The following FAT4 variants were observed in gnomAD, a reference collection of about 807,000 sequenced individuals.
FAT4 encodes protocadherin Fat 4.
In FAT4, 84 loss-of-function variants were observed where a neutral mutation model predicts 303.9. The ratio of observed to expected loss-of-function variants is 0.28; its 90% CI spans 0.23 to 0.33. The LOEUF is 0.33. Ranked by LOEUF, FAT4 falls within the 10% of genes least tolerant of loss-of-function variation. The pLI, the probability that FAT4 is intolerant of heterozygous loss-of-function variation, is 1.00. For missense variants in FAT4, 6,005 were observed against 6,146.8 expected (o/e 0.98, Z 0.77); for synonymous variants, 2,307 against 2,298.8 (o/e 1.00, Z -0.10).
chr4:125,449,089 G>A lies in FAT4; in HGVS notation c.8079G>A (p.Ser2693=), dbSNP rs772467941. 2.5e-6 allele frequency: 4 copies of A among 1,613,636 alleles called. No homozygotes were observed. The highest frequency in any genetic ancestry group is 1.1e-5 in the South Asian group (1 of 91,066). ...CCCCTCGAAAAATACTTACTGTTTCGGCAATGGACAAGGACAGTGGACCCA... is the reference window on the plus strand; with the variant it reads ...CCCCTCGAAAAATACTTACTGTTTCAGCAATGGACAAGGACAGTGGACCCA... ...NLSPRKILTV[S]AMDKDSGPNG... Residue 2693 remains serine (S), a synonymous_variant, in exon 10 of 18, where the codon TCG becomes TCA. Transcript: ENST00000394329.
Position 125,481,591 on chromosome 4 carries a change from G to A in FAT4, c.12675G>A (p.Glu4225=). Residue 4225 remains glutamate, a synonymous_variant, in exon 16 of 18, where the codon GAG becomes GAA. Coordinates refer to ENST00000394329, the MANE Select transcript of FAT4 (RefSeq NM_001291303.3). ...TGGACTACCACATGAGTCAGAATGA[G>A]AAGCGGGAATATTTGTTAAGGCAAA... ...GRLDYHMSQN[E]KREYLLRQSL... 1 of 1,614,042 alleles carries A rather than the reference G, an allele frequency of 6.2e-7. No homozygotes were observed. The highest frequency in any genetic ancestry group is 8.5e-7 in the Non-Finnish European group (1 of 1,179,946).
intron 7 of FAT4, among the ~76,000 whole-genome samples, chr4:125,431,569 A>T (rs571121101): frequency 6.6e-6 from 1 of 152,226 alleles, no homozygotes; most frequent in Non-Finnish European, 1.5e-5. Context: ...AAGAAGAACA[A>T]TGGGTAACAT....
chr4:125,452,826 T>A lies in FAT4; in HGVS notation c.11800+16T>A, dbSNP rs1301881204. Reference sequence around the variant, plus strand: ...GGATACACAGGTATGACAACGTTTGTACTTTTCTCACTAAGACTTTAGCCA... The same window carrying A: ...GGATACACAGGTATGACAACGTTTGAACTTTTCTCACTAAGACTTTAGCCA... On this transcript the variant is annotated intron_variant, in intron 10 of 17. Transcript: ENST00000394329. The A allele has an allele frequency of 6.3e-7, 1 of 1,580,494 alleles. No homozygotes were observed. The highest frequency in any genetic ancestry group is 8.6e-7 in the Non-Finnish European group (1 of 1,163,588).
intron 8 of FAT4, among the ~76,000 whole-genome samples, chr4:125,436,052 A>AG (rs532056309): frequency 5.5e-5 from 3 of 54,312 alleles, no homozygotes; most frequent in East Asian, 1.2e-3. Flanking sequence ...GGGTCGGGGG[A>AG]GGGGGGGAGG....
chr4:125,342,857 T>G (rs1731851038), intron 2 of FAT4, among the ~76,000 whole-genome samples: 1 of 152,174 alleles, frequency 6.6e-6, no homozygotes, highest in East Asian at 1.9e-4. Context: ...TTCTTAGTTA[T>G]TGCATTAAAT....
chr4:125,320,325 T>C lies in FAT4; in HGVS notation c.3914T>C (p.Ile1305Thr). The C allele has an allele frequency of 6.2e-7, 1 of 1,613,426 alleles. No individual in the cohort carries two copies. The highest frequency in any genetic ancestry group is 8.5e-7 in the Non-Finnish European group (1 of 1,179,406). Residue 1305 changes from isoleucine (I) to threonine (T), a missense_variant, in exon 2 of 18, where the codon ATT becomes ACT. By Grantham distance (89) the Ile-to-Thr change is moderately conservative. Transcript: ENST00000394329. The part of the protein sequence containing the change: ...LNSTCTLNID[I>T]LDENDNTPSF... ...TCAACGTGTACTTTAAATATTGATA[T>C]TTTAGATGAAAATGACAATACCCCT... is the stretch of plus-strand genomic sequence containing the variant.
chr4:125,406,007 G>C (rs574528903), intron 3 of FAT4, among the ~76,000 whole-genome samples: 1 of 152,100 alleles, frequency 6.6e-6, no homozygotes, highest in African/African-American at 2.4e-5. Context: ...ACTGTTTACT[G>C]TAGAGAAACT....
intron 7 of FAT4, among the ~76,000 whole-genome samples, chr4:125,433,430 AAC>A (rs1725345316): frequency 6.6e-6 from 1 of 152,182 alleles, no homozygotes; most frequent in Non-Finnish European, 1.5e-5. Context: ...CGGTTTTGAA[AAC>A]ACAACCAACA....
intron 5 of FAT4, among the ~76,000 whole-genome samples, chr4:125,412,265 GAA>G (rs2126024451): frequency 6.6e-6 from 1 of 151,868 alleles, no homozygotes; most frequent in South Asian, 2.1e-4. Flanking sequence ...TGTCAGAAAT[GAA>G]AAGTTATTTT....
Position 125,450,145 on chromosome 4 carries a change from A to G in FAT4, c.9135A>G (p.Val3045=). The G allele has an allele frequency of 6.2e-7, 1 of 1,613,786 alleles. No individual in the cohort carries two copies. The highest frequency in any genetic ancestry group is 1.3e-5 in the African/African-American group (1 of 75,066). The change falls in exon 10 of 18, where the codon GTA becomes GTG. Residue 3045 remains valine, a synonymous_variant. Coordinates refer to ENST00000394329, the MANE Select transcript of FAT4 (RefSeq NM_001291303.3). ...ACAATGATACGGGGTGGATTTCAGT[A>G]GCATCCTCCCTGATTTCTGACTTGA... ...KLDNDTGWIS[V]ASSLISDLNQ...
chr4:125,489,350 G>C (rs1009529570), intron 17 of FAT4, among the ~76,000 whole-genome samples: 1 of 152,056 alleles, frequency 6.6e-6, no homozygotes, highest in African/African-American at 2.4e-5. Flanking sequence ...TAACACCAGA[G>C]GTATGTTTTT....
chr4:125,316,265 C>A lies in FAT4; in HGVS notation c.-12-135C>A. On this transcript the variant is annotated intron_variant, in intron 1 of 17. Transcript: ENST00000394329. This position sits in a 1 kb window ranked among gnomAD's most constrained non-coding sequence, Gnocchi z 5.7. ...CTTTTGCTGATGCTACTTGCTTTTG[C>A]CGGACTGGAGGTTCTTTGAAATAGC... 1.8e-6 allele frequency: 2 copies of A among 1,097,250 alleles called. No homozygotes were observed. The highest frequency in any genetic ancestry group is 2.6e-6 in the Non-Finnish European group (2 of 771,708). The allele number at this position is 1,097,250 out of a possible 1,614,324, so 68.0% of individuals were successfully genotyped here. A position where few individuals can be genotyped will look rare whatever the true frequency, so the allele number is the denominator to read the frequency against.
In FAT4 at chr4:125,451,817, C is replaced by T; in HGVS notation, c.10807C>T (p.His3603Tyr). The T allele has an allele frequency of 1.2e-6, 2 of 1,614,116 alleles. No individual in the cohort carries two copies. The highest frequency in any genetic ancestry group is 1.7e-6 in the Non-Finnish European group (2 of 1,179,988). ...TCAAATGTCTTCCACAGGAACTGTGCATATCACAGTTATAGACCAAAATGA... is the reference window on the plus strand; with the variant it reads ...TCAAATGTCTTCCACAGGAACTGTGTATATCACAGTTATAGACCAAAATGA... ...VPQMSSTGTV[H>Y]ITVIDQNDNP... The change falls in exon 10 of 18, where the codon CAT becomes TAT. Residue 3603 changes from histidine (H) to tyrosine (Y), a missense_variant. Transcript: ENST00000394329.
In FAT4 at chr4:125,450,429, C is replaced by A; in HGVS notation, c.9419C>A (p.Ala3140Glu). The A allele has an allele frequency of 6.2e-7, 1 of 1,614,050 alleles. No homozygotes were observed. Among genetic ancestry groups the A allele is most frequent in the Non-Finnish European group, 8.5e-7 (1 of 1,179,984 alleles). Residue 3140 changes from alanine to glutamate, a missense_variant, in exon 10 of 18, where the codon GCA becomes GAA. Ala to Glu is a moderately radical substitution (Grantham distance 107). Transcript: ENST00000394329. ...TCAGGAAATGAAGAAGGCATTTTTG[C>A]AATCAATTCTTCTACAGGTATATTA... ...ISSGNEEGIF[A>E]INSSTGILTL...
intron 2 of FAT4, among the ~76,000 whole-genome samples, chr4:125,363,606 C>T (rs1258752883): frequency 6.6e-6 from 1 of 151,990 alleles, no homozygotes; most frequent in Non-Finnish European, 1.5e-5. Flanking sequence ...AGCGATTCCC[C>T]TGCCTCAGCC....
intron 17 of FAT4, among the ~76,000 whole-genome samples, chr4:125,489,686 G>A (rs190015652): frequency 3.3e-5 from 5 of 152,096 alleles, no homozygotes; most frequent in Admixed American, 1.3e-4. Context: ...CCCATGTTTG[G>A]TCATGGTAAT....
At chr4:125,402,670 T>C (rs1255214088) in intron 3 of FAT4, among the ~76,000 whole-genome samples, 1 of 151,986 alleles carries the variant, frequency 6.6e-6, no homozygotes, top group African/African-American at 2.4e-5. Flanking sequence ...TCTCCTTATA[T>C]GTTTGACCAT....
chr4:125,319,992 C>T lies in FAT4; in HGVS notation c.3581C>T (p.Ala1194Val), dbSNP rs1350441060. Reference protein sequence around the residue: ...QGIPQPLKDQATVHVYMKDIN... With the variant: ...QGIPQPLKDQVTVHVYMKDIN... ...ATCCCTCAGCCTCTCAAGGATCAGG[C>T]CACTGTACATGTTTACATGAAGGAT... The change falls in exon 2 of 18, where the codon GCC (alanine) becomes GTC (valine). Residue 1194 changes from alanine (A) to valine (V), a missense_variant. Ala to Val is a moderately conservative substitution (Grantham distance 64). Transcript: ENST00000394329. The T allele has an allele frequency of 3.1e-6, 5 of 1,612,900 alleles. No individual in the cohort carries two copies. Among genetic ancestry groups the T allele is most frequent in the Non-Finnish European group, 4.2e-6 (5 of 1,179,990 alleles).
At position 125,319,051 on chromosome 4, in the gene FAT4, CAT is replaced by C; in HGVS notation, c.2642_2643del (p.Ile881AsnfsTer3). ...GTVTGDTMVN[I>X]TVKDLNDNSP... ...CAGTGACTGGAGACACTATGGTTAA[CAT>C]AACAGTTAAGGATTTGAATGACAAC... is the stretch of plus-strand genomic sequence containing the variant. On this transcript the variant is annotated frameshift_variant, in exon 2 of 18. Transcript: ENST00000394329. LOFTEE classifies it high-confidence loss of function. The C allele has an allele frequency of 6.2e-7, 1 of 1,614,162 alleles. No individual in the cohort carries two copies. Among genetic ancestry groups the C allele is most frequent in the Non-Finnish European group, 8.5e-7 (1 of 1,180,036 alleles).
Sources: allele counts gnomAD v4.1 joint callset (sites outside exome capture counted in the v4.1 genomes callset), GRCh38; gene constraint gnomAD v4.1.1; non-coding constraint Gnocchi (gnomAD v3.1); transcripts MANE v1.5; gene names NCBI Gene and HGNC (gene_info 2026-07-23, HGNC 2026-07-21).